The following GRM7 variants were observed in gnomAD, a reference collection of about 807,000 sequenced individuals.
The protein encoded by GRM7 is glutamate metabotropic receptor 7, also known as metabotropic glutamate receptor 7.
In GRM7, 35 loss-of-function variants were observed where a neutral mutation model predicts 84.5. The ratio of observed to expected loss-of-function variants is 0.41; its 90% CI spans 0.32 to 0.55. GRM7 has a LOEUF of 0.55. Ranked by LOEUF, GRM7 falls within the 20% of genes least tolerant of loss-of-function variation. The pLI, the probability that GRM7 is intolerant of heterozygous loss-of-function variation, is 0.19. For missense variants in GRM7, 1,003 were observed against 1,194.6 expected (o/e 0.84, Z 2.36); for synonymous variants, 487 against 455.1 (o/e 1.07, Z -0.89).
chr3:7,176,309 G>A (rs1331719838), intron 2 of GRM7, among the ~76,000 whole-genome samples: 2 of 144,082 alleles, frequency 1.4e-5, no homozygotes, highest in African/African-American at 2.6e-5. Context: ...TACTCTAGAG[G>A]CAAAGGTGGG....
chr3:7,499,362 A>G (rs4684550), intron 7 of GRM7, among the ~76,000 whole-genome samples: 18,359 of 152,146 alleles, frequency 0.12, 1,189 homozygotes, highest in African/African-American at 0.12. Flanking sequence ...TTAAACGGAG[A>G]TGGCACAGAT....
intron 2 of GRM7, among the ~76,000 whole-genome samples, chr3:7,246,408 A>G (rs543984102): frequency 6.6e-6 from 1 of 152,270 alleles, no homozygotes; most frequent in East Asian, 1.9e-4. Context: ...TGAAGTTTTT[A>G]CAAGAGAGAT....
intron 1 of GRM7, among the ~76,000 whole-genome samples, chr3:6,900,778 G>T (rs940434300): frequency 2.0e-5 from 3 of 152,208 alleles, no homozygotes; most frequent in African/African-American, 7.2e-5. Flanking sequence ...GAGGTTAAAA[G>T]AATAATGCAG....
At chr3:7,171,854 G>C (rs1313673648) in intron 2 of GRM7, among the ~76,000 whole-genome samples, 1 of 152,202 alleles carries the variant, frequency 6.6e-6, no homozygotes, top group African/African-American at 2.4e-5. Flanking sequence ...AGGGTTGTGT[G>C]CAGTCTAGAA....
At chr3:7,095,284 T>C (rs1698818679) in intron 1 of GRM7, among the ~76,000 whole-genome samples, 2 of 152,212 alleles carry the variant, frequency 1.3e-5, no homozygotes, top group African/African-American at 2.4e-5. Context: ...TTCCACTCTT[T>C]TGCTCAGATT....
At chr3:7,116,524 C>T (rs906509411) in intron 1 of GRM7, among the ~76,000 whole-genome samples, 1 of 152,074 alleles carries the variant, frequency 6.6e-6, no homozygotes, top group Non-Finnish European at 1.5e-5. Context: ...TCTGTCTCTA[C>T]TTATGCCCTT....
At chr3:6,889,860 C>G (rs1242463836) in intron 1 of GRM7, among the ~76,000 whole-genome samples, 1 of 152,100 alleles carries the variant, frequency 6.6e-6, no homozygotes, top group African/African-American at 2.4e-5. Flanking sequence ...TCCATCTGGT[C>G]CTGGACTCTT....
intron 8 of GRM7, among the ~76,000 whole-genome samples, chr3:7,651,306 C>G (rs1338001921): frequency 1.3e-5 from 2 of 152,148 alleles, no homozygotes; most frequent in African/African-American, 4.8e-5. Context: ...CTTTTACTTC[C>G]AAATGCATCC....
chr3:7,207,291 C>T (rs1037424625), intron 2 of GRM7, among the ~76,000 whole-genome samples: 12 of 152,136 alleles, frequency 7.9e-5, no homozygotes, highest in African/African-American at 2.9e-4. Flanking sequence ...CCTGGAGATT[C>T]TGAGTTGATG....
chr3:7,049,689 T>A (rs962541051), intron 1 of GRM7, among the ~76,000 whole-genome samples: 1 of 151,832 alleles, frequency 6.6e-6, no homozygotes, highest in South Asian at 2.1e-4. Context: ...CTATGAAAAA[T>A]TATTGCAAAA....
chr3:7,542,519 T>G (rs565704973), intron 7 of GRM7, among the ~76,000 whole-genome samples: 1 of 152,152 alleles, frequency 6.6e-6, no homozygotes, highest in East Asian at 1.9e-4. Flanking sequence ...TCATTCTTTT[T>G]CTTTTTAATT....
intron 5 of GRM7, among the ~76,000 whole-genome samples, chr3:7,415,584 TG>T (rs1434551812): frequency 2.0e-5 from 3 of 152,184 alleles, no homozygotes; most frequent in Non-Finnish European, 2.9e-5. Context: ...AAAATCCAAA[TG>T]ATTTTCATTA....
chr3:7,020,303 G>A (rs1695730271), intron 1 of GRM7, among the ~76,000 whole-genome samples: 1 of 152,172 alleles, frequency 6.6e-6, no homozygotes, highest in African/African-American at 2.4e-5. Context: ...TCTGGAAAAG[G>A]CAACACTATG....
chr3:6,981,321 C>T (rs186806272), intron 1 of GRM7, among the ~76,000 whole-genome samples: 4 of 152,294 alleles, frequency 2.6e-5, no homozygotes, highest in Admixed American at 2.6e-4. Flanking sequence ...TTCACCACAA[C>T]TTGTGGGCTT....
chr3:6,921,199 G>C (rs1265647739), intron 1 of GRM7, among the ~76,000 whole-genome samples: 1 of 152,216 alleles, frequency 6.6e-6, no homozygotes, highest in East Asian at 1.9e-4. Flanking sequence ...GAGGCAACTT[G>C]TTTGGCTTGG....
intron 1 of GRM7, among the ~76,000 whole-genome samples, chr3:7,020,214 A>G (rs1365372784): frequency 2.0e-5 from 3 of 152,206 alleles, no homozygotes; most frequent in Non-Finnish European, 4.4e-5. Context: ...GTTAAAAGGT[A>G]GGTTGAAAAT....
At chr3:7,195,932 C>T (rs1000335249) in intron 2 of GRM7, among the ~76,000 whole-genome samples, 2 of 151,942 alleles carry the variant, frequency 1.3e-5, no homozygotes, top group African/African-American at 4.8e-5. Context: ...AGAACAGAAC[C>T]GATAGGATGT....
chr3:7,450,272 C>T (rs1258015082), intron 5 of GRM7, among the ~76,000 whole-genome samples: 1 of 152,018 alleles, frequency 6.6e-6, no homozygotes, highest in African/African-American at 2.4e-5. Flanking sequence ...AATTAAAGTT[C>T]GACAGCATAC....
intron 4 of GRM7, among the ~76,000 whole-genome samples, chr3:7,342,767 C>G (rs539880770): frequency 6.6e-6 from 1 of 152,086 alleles, no homozygotes; most frequent in African/African-American, 2.4e-5. Flanking sequence ...CTTTGAGAAC[C>G]GCTGCTGTTT....
Sources: allele counts gnomAD v4.1 joint callset (sites outside exome capture counted in the v4.1 genomes callset), GRCh38; gene constraint gnomAD v4.1.1; transcripts MANE v1.5; gene names NCBI Gene and HGNC (gene_info 2026-07-23, HGNC 2026-07-21).